Variants in LMX1A observed in about 807,000 individuals in gnomAD.
LMX1A encodes LIM homeobox transcription factor 1 alpha.
Under a neutral mutation model 49.1 loss-of-function variants are expected in LMX1A, and 15 were observed. The ratio of observed to expected loss-of-function variants is 0.31; its 90% CI spans 0.20 to 0.47. The LOEUF (loss-of-function observed/expected upper bound fraction) is 0.47. Among genes scored for constraint, LMX1A ranks in the 20% least tolerant of loss-of-function variants. The probability of loss-of-function intolerance (pLI) is 1.00; values close to 1 mark genes in which losing one functional copy is unlikely to be tolerated. For missense variants in LMX1A, 372 were observed against 475.8 expected (o/e 0.78, Z 2.03); for synonymous variants, 167 against 185.7 (o/e 0.90, Z 0.82).
At chr1:165,285,211 T>C (rs1392262511) in intron 3 of LMX1A, among the ~76,000 whole-genome samples, 1 of 152,204 alleles carries the variant, frequency 6.6e-6, no homozygotes, top group East Asian at 1.9e-4. Context: ...TTTTGGCCCA[T>C]AGCACACCCA....
In LMX1A at chr1:165,249,445, C is replaced by T. The variant is rs773391203; in HGVS notation, c.459G>A (p.Glu153=). 38 of 1,614,026 alleles carry T rather than the reference C, an allele frequency of 2.4e-5. No individual in the cohort carries two copies. The highest frequency in any genetic ancestry group is 3.0e-5 in the Non-Finnish European group (35 of 1,180,016). ...LCKGDYEKER[E]LLSLVSPAAS... is the part of the protein sequence containing the mutation. ...CTGCTGGGCTCACCAGGCTGAGCAG[C>T]TCCCGCTCCTTCTCATAGTCCCCTT... Residue 153 remains glutamate (E), a synonymous_variant, in exon 4 of 9, where the codon GAG becomes GAA. Coordinates refer to ENST00000342310, the MANE Select transcript of LMX1A (RefSeq NM_177398.4).
At chr1:165,209,405 C>A (rs1284179938) in intron 6 of LMX1A, among the ~76,000 whole-genome samples, 2 of 152,156 alleles carry the variant, frequency 1.3e-5, no homozygotes, top group Admixed American at 6.5e-5. Context: ...TAGGTAGCTT[C>A]AGGGTGGAGA....
intron 4 of LMX1A, among the ~76,000 whole-genome samples, chr1:165,225,769 G>A (rs1014185399): frequency 6.6e-6 from 1 of 152,204 alleles, no homozygotes; most frequent in African/African-American, 2.4e-5. Flanking sequence ...TGATGCTGCT[G>A]CTGCTGCTGG....
At chr1:165,213,606 G>C in intron 5 of LMX1A, 35 bp downstream of exon 5, 1 of 1,587,896 alleles carries the variant, frequency 6.3e-7, no homozygotes, top group South Asian at 1.1e-5. Flanking sequence ...GAGAAGTGGG[G>C]CCCAGCTCCT....
intron 3 of LMX1A, among the ~76,000 whole-genome samples, chr1:165,316,963 C>T (rs1281495209): frequency 6.6e-6 from 1 of 152,078 alleles, no homozygotes; most frequent in Non-Finnish European, 1.5e-5. Flanking sequence ...GTTTAGAAAA[C>T]CTAGAAGGAA....
intron 3 of LMX1A, among the ~76,000 whole-genome samples, chr1:165,284,471 A>G (rs1654245733): frequency 1.3e-5 from 2 of 152,230 alleles, no homozygotes; most frequent in Admixed American, 1.3e-4. Flanking sequence ...TCATTCTGGG[A>G]GTCAAAGCTA....
At chr1:165,265,268 C>T (rs1653589025) in intron 3 of LMX1A, among the ~76,000 whole-genome samples, 3 of 151,834 alleles carry the variant, frequency 2.0e-5, no homozygotes, top group South Asian at 4.2e-4. Context: ...CTGCTTGGAC[C>T]TTCAGGTTCC....
At chr1:165,346,331 T>C (rs1656243599) in intron 3 of LMX1A, among the ~76,000 whole-genome samples, 1 of 152,380 alleles carries the variant, frequency 6.6e-6, no homozygotes, top group Admixed American at 6.5e-5. Context: ...ACTGGAATCT[T>C]GAAAGGCTGG....
At chr1:165,211,077 ATTG>A (rs1162289245) in intron 5 of LMX1A, 3 of 263,936 alleles carry the variant, frequency 1.1e-5, no homozygotes, top group African/African-American at 6.6e-5. Context: ...ACTTTAGTCT[ATTG>A]TTGTGCTTTA....
Position 165,202,148 on chromosome 1 carries a change from T to C in LMX1A, c.*1732A>G, listed in dbSNP as rs906673471. ...TGGCCTTGCCAGAGTGATAGGGACG[T>C]GTCTCTGTGTTCAAGTCTCCAATGA... is the stretch of plus-strand genomic sequence containing the variant. On this transcript the variant is annotated 3_prime_UTR_variant, in exon 9 of 9. Transcript: ENST00000342310. The C allele has an allele frequency of 5.9e-5, 9 of 152,590 alleles. No homozygotes were observed. Among genetic ancestry groups the C allele is most frequent in the Non-Finnish European group, 1.3e-4 (9 of 68,040 alleles). 9.5% of individuals were successfully genotyped at this position (152,590 alleles called of 1,614,324 possible).
At chr1:165,297,446 C>A (rs998077544) in intron 3 of LMX1A, among the ~76,000 whole-genome samples, 2 of 152,196 alleles carry the variant, frequency 1.3e-5, no homozygotes, top group African/African-American at 4.8e-5. Flanking sequence ...CCCTGGAAGT[C>A]TGGATTCTTA....
At position 165,205,968 on chromosome 1, in the gene LMX1A, G is replaced by A; in HGVS notation, c.884C>T (p.Thr295Ile). 6.2e-7 allele frequency: 1 copy of A among 1,613,466 alleles called. No individual in the cohort carries two copies. Among genetic ancestry groups the A allele is most frequent in the Non-Finnish European group, 8.5e-7 (1 of 1,179,680 alleles). ...GIMNPYTALP[T>I]PQQLLAIEQS... ...CTCGATGGCCAGGAGCTGCTGTGGG[G>A]TGGGCAGAGCCGTGTAGGGGTTCAT... The change falls in exon 8 of 9, where the codon ACC becomes ATC. Residue 295 changes from threonine (T) to isoleucine (I), a missense_variant. Thr to Ile is a moderately conservative substitution (Grantham distance 89, BLOSUM62 -1). Transcript: ENST00000342310.
At chr1:165,273,924 T>C (rs545347927) in intron 3 of LMX1A, among the ~76,000 whole-genome samples, 112 of 152,316 alleles carry the variant, frequency 7.4e-4, no homozygotes, top group African/African-American at 2.4e-3. Context: ...AGACAAGAGA[T>C]GTGGCCATCA....
At chr1:165,227,648 T>G (rs1423404533) in intron 4 of LMX1A, among the ~76,000 whole-genome samples, 4 of 152,222 alleles carry the variant, frequency 2.6e-5, no homozygotes. Context: ...TGGAATTCAA[T>G]GCTGGCTGTT....
chr1:165,298,906 C>CATG (rs1159845833), intron 3 of LMX1A, among the ~76,000 whole-genome samples: 2 of 152,210 alleles, frequency 1.3e-5, no homozygotes, highest in Non-Finnish European at 2.9e-5. Flanking sequence ...TATGAAGTGT[C>CATG]TGCATGTGAG....
chr1:165,283,410 T>C (rs568672104), intron 3 of LMX1A, among the ~76,000 whole-genome samples: 3 of 152,242 alleles, frequency 2.0e-5, no homozygotes, highest in Non-Finnish European at 4.4e-5. Flanking sequence ...CATGACTGTA[T>C]GTCAAGCTCA....
chr1:165,326,245 A>G (rs1655577266), intron 3 of LMX1A, among the ~76,000 whole-genome samples: 1 of 152,156 alleles, frequency 6.6e-6, no homozygotes, highest in African/African-American at 2.4e-5. Context: ...TGGGTTTTGG[A>G]CATGCCTGAG....
chr1:165,278,297 T>C (rs1347675363), intron 3 of LMX1A, among the ~76,000 whole-genome samples: 1 of 152,238 alleles, frequency 6.6e-6, no homozygotes, highest in Non-Finnish European at 1.5e-5. Context: ...ATCTAGCGTA[T>C]GGCTATGACT....
rs560554201 is a variant in LMX1A at position 165,236,044 on chromosome 1, C to T, written c.496+13364G>A. The stretch of plus-strand genomic sequence containing the variant: ...CCGGCCCTGGAAGCTTCGCCCTGGA[C>T]TAGACTGGCACCGACGCCGCCCCCA... On this transcript the variant is annotated intron_variant, in intron 4 of 8. Coordinates refer to ENST00000342310, the MANE Select transcript of LMX1A (RefSeq NM_177398.4). Among the ~76,000 whole-genome samples the T allele has an allele frequency of 3.9e-5, 6 of 152,320 alleles. No individual in the cohort carries two copies. In the South Asian group the frequency reaches 1.2e-3, roughly 32 times the overall value.
Sources: allele counts gnomAD v4.1 joint callset (sites outside exome capture counted in the v4.1 genomes callset), GRCh38; gene constraint gnomAD v4.1.1; transcripts MANE v1.5; gene names NCBI Gene and HGNC (gene_info 2026-07-23, HGNC 2026-07-21).